PIP5K1B: variants seen among roughly 807,000 people sequenced by gnomAD.
The protein encoded by PIP5K1B is phosphatidylinositol 4-phosphate 5-kinase type-1 beta.
Under a neutral mutation model 67.0 loss-of-function variants are expected in PIP5K1B, and 42 were observed. The observed-to-expected ratio is 0.63, with a 90% CI of 0.49 to 0.81. PIP5K1B has a LOEUF of 0.81. PIP5K1B is among the 30% of genes least tolerant of loss of function. The pLI is 0.00. For missense variants in PIP5K1B, 459 were observed against 646.3 expected (o/e 0.71, Z 3.14); for synonymous variants, 214 against 231.4 (o/e 0.92, Z 0.68).
intron 2 of PIP5K1B, among the ~76,000 whole-genome samples, chr9:68,818,246 C>T (rs1327783766): frequency 6.6e-6 from 1 of 152,238 alleles, no homozygotes; most frequent in African/African-American, 2.4e-5. Flanking sequence ...GTTTATTCAA[C>T]AACCATACCA....
At chr9:68,830,168 A>G (rs1231869469) in intron 4 of PIP5K1B, among the ~76,000 whole-genome samples, 3 of 152,190 alleles carry the variant, frequency 2.0e-5, no homozygotes, top group African/African-American at 7.2e-5. Context: ...TGTTTTTAAA[A>G]ATTAAGCAGC....
chr9:69,007,025 G>C (rs1490152181), intron 15 of PIP5K1B, among the ~76,000 whole-genome samples: 1 of 152,158 alleles, frequency 6.6e-6, no homozygotes, highest in East Asian at 1.9e-4. Context: ...ATAGCTTATA[G>C]CACCTTACAC....
intron 2 of PIP5K1B, among the ~76,000 whole-genome samples, chr9:68,778,101 C>T (rs1831011114): frequency 9.3e-6 from 1 of 107,354 alleles, no homozygotes; most frequent in Non-Finnish European, 2.1e-5. Context: ...CTAATTCATG[C>T]GAAATTCTCT....
At chr9:68,833,865 A>C (rs1455956507) in intron 4 of PIP5K1B, among the ~76,000 whole-genome samples, 1 of 152,162 alleles carries the variant, frequency 6.6e-6, no homozygotes, top group Non-Finnish European at 1.5e-5. Context: ...AAGTCTTCCA[A>C]TTTGGACATG....
chr9:68,934,085 A>T (rs10117400), intron 12 of PIP5K1B, among the ~76,000 whole-genome samples: 144,591 of 152,310 alleles, frequency 0.95, 69,102 homozygotes, highest in East Asian at 1. Context: ...GGAAATTCTC[A>T]AGCAATATTA....
chr9:68,796,419 G>A (rs374064056), intron 2 of PIP5K1B, among the ~76,000 whole-genome samples: 1 of 152,018 alleles, frequency 6.6e-6, no homozygotes, highest in Non-Finnish European at 1.5e-5. Context: ...ATTCAACTTT[G>A]TTCATTCTTA....
chr9:68,968,638 C>CT (rs898926093), intron 14 of PIP5K1B, among the ~76,000 whole-genome samples: 10 of 150,668 alleles, frequency 6.6e-5, no homozygotes, highest in African/African-American at 1.7e-4. Flanking sequence ...ACATTCTGCT[C>CT]TTTTTTTTAT....
Position 68,705,632 on chromosome 9 carries a change from C to T in PIP5K1B, c.-373C>T, listed in dbSNP as rs1386128729. Reference sequence around the variant, plus strand: ...CGCCGCCCCCTCCGCCCTCCCGCCCCTCCCGCCCCTCCCGCCCCTCGCCTG... The same window carrying T: ...CGCCGCCCCCTCCGCCCTCCCGCCCTTCCCGCCCCTCCCGCCCCTCGCCTG... On this transcript the variant is annotated 5_prime_UTR_variant, in exon 1 of 16. Transcript: ENST00000265382. 1 of 144,474 alleles carries T rather than the reference C, an allele frequency of 6.9e-6. No homozygotes were observed. Among genetic ancestry groups the T allele is most frequent in the African/African-American group, 2.5e-5 (1 of 39,416 alleles). The allele number at this position is 144,474 out of a possible 1,614,324, so 8.9% of individuals were successfully genotyped here.
At chr9:68,967,856 T>C (rs1031028441) in intron 14 of PIP5K1B, among the ~76,000 whole-genome samples, 1 of 152,252 alleles carries the variant, frequency 6.6e-6, no homozygotes, top group African/African-American at 2.4e-5. Context: ...ATGATGAGCC[T>C]ACATTGATGA....
chr9:68,771,861 T>C (rs1830684373), intron 2 of PIP5K1B, among the ~76,000 whole-genome samples: 1 of 152,216 alleles, frequency 6.6e-6, no homozygotes, highest in Non-Finnish European at 1.5e-5. Flanking sequence ...CATTTCCTAC[T>C]ATCAAATTGA....
chr9:68,911,538 A>C (rs1397709378), intron 8 of PIP5K1B, among the ~76,000 whole-genome samples: 1 of 152,166 alleles, frequency 6.6e-6, no homozygotes, highest in Non-Finnish European at 1.5e-5. Context: ...AAAAGAGGGA[A>C]GTGAGGAAAA....
intron 4 of PIP5K1B, among the ~76,000 whole-genome samples, chr9:68,851,629 A>T (rs1822486889): frequency 6.6e-6 from 1 of 152,164 alleles, no homozygotes. Context: ...CTGGACCTGG[A>T]AGAGTGGGTA....
At chr9:68,915,051 G>T (rs534122264) in intron 8 of PIP5K1B, among the ~76,000 whole-genome samples, 1 of 152,306 alleles carries the variant, frequency 6.6e-6, no homozygotes, top group African/African-American at 2.4e-5. Context: ...TTATGCTAGA[G>T]ACTTTTCTAA....
chr9:68,910,067 C>T (rs760931540), intron 8 of PIP5K1B, among the ~76,000 whole-genome samples: 1 of 152,164 alleles, frequency 6.6e-6, no homozygotes, highest in South Asian at 2.1e-4. Flanking sequence ...CAGCACCAAG[C>T]GTTCTTGGAT....
intron 8 of PIP5K1B, among the ~76,000 whole-genome samples, chr9:68,895,324 T>C (rs150420424): frequency 7.4e-6 from 1 of 135,368 alleles, no homozygotes; most frequent in East Asian, 2.1e-4. Context: ...TGAAAAGAGA[T>C]AAAAATTTTT....
At chr9:68,825,382 G>T (rs1247097078) in intron 4 of PIP5K1B, among the ~76,000 whole-genome samples, 1 of 152,194 alleles carries the variant, frequency 6.6e-6, no homozygotes, top group South Asian at 2.1e-4. Flanking sequence ...CCAGCATGAT[G>T]CATGAGTTGG....
intron 4 of PIP5K1B, among the ~76,000 whole-genome samples, chr9:68,854,253 C>A (rs1363043663): frequency 6.6e-6 from 1 of 151,794 alleles, no homozygotes; most frequent in African/African-American, 2.4e-5. Flanking sequence ...GCCTCAGCCT[C>A]CTGAGTAACT....
chr9:68,977,779 C>T (rs957865868), intron 14 of PIP5K1B, among the ~76,000 whole-genome samples: 6 of 151,302 alleles, frequency 4.0e-5, no homozygotes, highest in Non-Finnish European at 8.8e-5. Flanking sequence ...CTCAGCCTCC[C>T]GAGTAGCTGG....
chr9:68,905,624 T>C (rs757244879), intron 8 of PIP5K1B, among the ~76,000 whole-genome samples: 9 of 152,200 alleles, frequency 5.9e-5, no homozygotes, highest in Non-Finnish European at 1.3e-4. Context: ...TGTGATACAT[T>C]ACCCAGTGCA....
Sources: gnomAD v4.1 joint callset for allele counts (sites outside exome capture counted in the v4.1 genomes callset) on GRCh38, gnomAD v4.1.1 for gene constraint, MANE v1.5 for transcripts, NCBI Gene and HGNC (gene_info 2026-07-23, HGNC 2026-07-21) for gene names.